Variants in IFI44 observed in about 807,000 individuals in gnomAD.
IFI44 encodes interferon induced protein 44.
Under a neutral mutation model 45.0 loss-of-function variants are expected in IFI44, and 42 were observed. That is an observed-to-expected ratio of 0.93 (90% CI 0.73 to 1.21). The LOEUF is 1.21. Ranked by LOEUF, IFI44 falls within the 50% of genes most tolerant of loss-of-function variation. The pLI is 0.00. For synonymous variants in IFI44, 221 were observed against 188.6 expected, an observed-to-expected ratio of 1.17 and a Z score of -1.41; for missense variants, 623 against 525.8, an observed-to-expected ratio of 1.18 and a Z score of -1.81.
intron 7 of IFI44, among the ~76,000 whole-genome samples, chr1:78,661,374 A>T (rs537310901): frequency 6.6e-6 from 1 of 151,724 alleles, no homozygotes; most frequent in East Asian, 1.9e-4. Context: ...TTTTTTTTCA[A>T]TTTTTTTTGA....
At chr1:78,659,939 G>C (rs894887109) in intron 6 of IFI44, among the ~76,000 whole-genome samples, 12 of 152,170 alleles carry the variant, frequency 7.9e-5, no homozygotes, top group African/African-American at 2.9e-4. Context: ...GTTTGGAGAA[G>C]GTAACCAGGA....
Position 78,663,794 on chromosome 1 carries a change from G to C in IFI44, c.1318G>C (p.Ala440Pro), listed in dbSNP as rs1233530936. ...GNLREEIINC[A>P]QGKK ...TCTAAGGGAGGAAATTATCAACTGT[G>C]CACAAGGAAAAAAATAGATATGTGA... Residue 440 changes from alanine to proline, a missense_variant, in exon 9 of 9, where the codon GCA (alanine) becomes CCA (proline). By Grantham distance (27) the Ala-to-Pro change is conservative. Transcript: ENST00000370747. 1 of 1,611,850 alleles carries C rather than the reference G, an allele frequency of 6.2e-7. No homozygotes were observed. Among genetic ancestry groups the C allele is most frequent in the Admixed American group, 1.7e-5 (1 of 59,596 alleles).
intron 5 of IFI44, 47 bp downstream of exon 5, chr1:78,655,558 A>T (rs1490191202): frequency 6.7e-7 from 1 of 1,498,706 alleles, no homozygotes; most frequent in African/African-American, 1.4e-5. Flanking sequence ...TAAAATGCTT[A>T]TTTTTGTACA....
rs1444840373 is a variant in IFI44, at chr1:78,663,823, G to A, written c.*12G>A. On this transcript the variant is annotated 3_prime_UTR_variant, in exon 9 of 9. Transcript: ENST00000370747. ...AAGGAAAAAAATAGATATGTGAAAGGTTCACGTAAATTTCCTCACATCACA... is the reference window on the plus strand; with the variant it reads ...AAGGAAAAAAATAGATATGTGAAAGATTCACGTAAATTTCCTCACATCACA... 4 of 1,609,904 alleles carry A rather than the reference G, an allele frequency of 2.5e-6. No individual in the cohort carries two copies. The highest frequency in any genetic ancestry group is 1.3e-5 in the African/African-American group (1 of 74,728).
Position 78,655,092 on chromosome 1 carries a change from G to T in IFI44, c.573G>T (p.Leu191=), listed in dbSNP as rs1051031. ...TGGTTCAACAAATACGAATTCTGCTGCTGGGTCCAATTGGAGCTGGGAAGT... is the reference window on the plus strand; with the variant it reads ...TGGTTCAACAAATACGAATTCTGCTTCTGGGTCCAATTGGAGCTGGGAAGT... ...GSLVQQIRIL[L]LGPIGAGKSS... is the part of the protein sequence containing the mutation. Residue 191 remains leucine, a synonymous_variant, in exon 4 of 9, where the codon CTG becomes CTT. Transcript: ENST00000370747. The T allele has an allele frequency of 8.1e-6, 13 of 1,613,790 alleles. No homozygotes were observed. The South Asian group carries it at 1.1e-4, about 14-fold the overall frequency.
chr1:78,660,831 G>A, intron 7 of IFI44, 177 bp downstream of exon 7: 1 of 619,952 alleles, frequency 1.6e-6, no homozygotes, highest in Non-Finnish European at 2.9e-6. Flanking sequence ...CTTGGTATTT[G>A]CAGGGGATTA....
intron 3 of IFI44, 135 bp downstream of exon 3, chr1:78,654,414 T>C: frequency 1.9e-6 from 1 of 533,702 alleles, no homozygotes; most frequent in Non-Finnish European, 3.3e-6. Flanking sequence ...ACTGTATTTA[T>C]AATCATAAAA....
At chr1:78,656,060 A>G (rs1647203749) in intron 5 of IFI44, among the ~76,000 whole-genome samples, 1 of 152,200 alleles carries the variant, frequency 6.6e-6, no homozygotes, top group African/African-American at 2.4e-5. Context: ...TAAAGCCTGA[A>G]GGTGACTCTC....
rs1174191767 is a variant in IFI44 at position 78,655,157 on chromosome 1, A to G, written c.638A>G (p.His213Arg). Residue 213 changes from histidine to arginine, a missense_variant, in exon 4 of 9, where the codon CAT becomes CGT. By Grantham distance (29) the His-to-Arg change is conservative. Transcript: ENST00000370747. ...FNSVRSVFQG[H>R]VTHQALVGTN... Reference sequence around the variant, plus strand: ...TCAGTGAGGTCTGTTTTCCAAGGGCATGTAACGCATCAGGCTTTGGTGGGC... The same window carrying G: ...TCAGTGAGGTCTGTTTTCCAAGGGCGTGTAACGCATCAGGCTTTGGTGGGC... The G allele has an allele frequency of 6.2e-7, 1 of 1,613,964 alleles. No individual in the cohort carries two copies. Among genetic ancestry groups the G allele is most frequent in the East Asian group, 2.2e-5 (1 of 44,870 alleles).
chr1:78,659,263 C>G lies in IFI44; in HGVS notation c.841-49C>G, dbSNP rs1445659923. 3.0e-5 allele frequency: 44 copies of G among 1,467,696 alleles called. No homozygotes were observed. In the East Asian group the frequency reaches 1.0e-3, roughly 34 times the overall value. 90.9% of individuals were successfully genotyped at this position (1,467,696 alleles called of 1,614,324 possible). Reference sequence around the variant, plus strand: ...CACAGTGCCTGGTACATAGTTTGTGCTCATAAATATTTGTTGAATTAATAT... The same window carrying G: ...CACAGTGCCTGGTACATAGTTTGTGGTCATAAATATTTGTTGAATTAATAT... On this transcript the variant is annotated intron_variant, in intron 5 of 8. Coordinates refer to ENST00000370747, the MANE Select transcript of IFI44 (RefSeq NM_006417.5).
At position 78,650,506 on chromosome 1, in the gene IFI44, A is replaced by G; in HGVS notation, c.311A>G (p.Asp104Gly). 2 of 1,613,976 alleles carry G rather than the reference A, an allele frequency of 1.2e-6. No individual in the cohort carries two copies. The highest frequency in any genetic ancestry group is 1.7e-4 in the Middle Eastern group (1 of 6,058). The change falls in exon 2 of 9, where the codon GAT becomes GGT. Residue 104 changes from aspartate to glycine, a missense_variant. Physicochemically the swap from Asp to Gly is moderately conservative, Grantham distance 94 (BLOSUM62 -1). Transcript: ENST00000370747. ...ACACCAGAAACACTGTTTTGTTGTG[A>G]TGTTACAAAATATAACTCCCCAACT... Reference protein sequence around the residue: ...LCTPETLFCCDVTKYNSPTNF... With the variant: ...LCTPETLFCCGVTKYNSPTNF...
intron 5 of IFI44, among the ~76,000 whole-genome samples, chr1:78,655,725 A>G (rs1215961402): frequency 2.0e-5 from 3 of 152,108 alleles, no homozygotes; most frequent in African/African-American, 7.2e-5. Flanking sequence ...GCTATGTGAA[A>G]CAGAAATCCA....
At chr1:78,659,650 G>A (rs891897497) in intron 6 of IFI44, among the ~76,000 whole-genome samples, 167 bp downstream of exon 6, 4 of 152,156 alleles carry the variant, frequency 2.6e-5, no homozygotes, top group Non-Finnish European at 4.4e-5. Context: ...TTGGCTATAT[G>A]ACTTTGTGCA....
At chr1:78,654,405 CTG>C (rs1005412315) in intron 3 of IFI44, 126 bp downstream of exon 3, 21 of 557,314 alleles carry the variant, frequency 3.8e-5, no homozygotes, top group African/African-American at 3.4e-4. Context: ...CAAGAACAAA[CTG>C]TATTTATAAT....
At chr1:78,652,444 GAT>G (rs1475946596) in intron 2 of IFI44, among the ~76,000 whole-genome samples, 1 of 152,184 alleles carries the variant, frequency 6.6e-6, no homozygotes, top group African/African-American at 2.4e-5. Flanking sequence ...ACGTTCAAGA[GAT>G]GTGTAGTATT....
At chr1:78,660,365 G>A (rs12120187) in intron 6 of IFI44, among the ~76,000 whole-genome samples, 189 bp from the exon 7 acceptor site, 38,189 of 152,068 alleles carry the variant, frequency 0.25, 5,516 homozygotes, top group Non-Finnish European at 0.33. Flanking sequence ...GACTCCCCAT[G>A]TCAGAGAAAT....
In IFI44 at chr1:78,662,763, T is replaced by G. The variant is rs759194836; in HGVS notation, c.1173T>G (p.Asn391Lys). 3.8e-6 allele frequency: 6 copies of G among 1,599,550 alleles called. No homozygotes were observed. The highest frequency in any genetic ancestry group is 2.8e-5 in the African/African-American group (2 of 71,108). ...FALSDISVVSNYSSEWELDPV... is the reference protein window; with the variant it reads ...FALSDISVVSKYSSEWELDPV... ...TTTCTGACATCTCGGTGGTTAGCAA[T>G]TATTCCTCTGAGTGGGAGCTGGACC... is the stretch of plus-strand genomic sequence containing the variant. Residue 391 changes from asparagine (N) to lysine (K), a missense_variant, in exon 8 of 9, where the codon AAT becomes AAG. Coordinates refer to ENST00000370747, the MANE Select transcript of IFI44 (RefSeq NM_006417.5).
At chr1:78,649,828 TC>T, upstream of IFI44, 1 of 157,912 alleles carries the variant, frequency 6.3e-6, no homozygotes, top group East Asian at 1.8e-4. Flanking sequence ...AATTTCCTTC[TC>T]CCATTTTGTG....
intron 1 of IFI44, 96 bp from the exon 2 acceptor site, chr1:78,650,090 T>G: frequency 1.5e-6 from 1 of 670,764 alleles, no homozygotes; most frequent in South Asian, 3.8e-5. Flanking sequence ...TTTTTTGTAT[T>G]ATGTAGAGTA....
Sources: allele counts gnomAD v4.1 joint callset (sites outside exome capture counted in the v4.1 genomes callset), GRCh38; gene constraint gnomAD v4.1.1; transcripts MANE v1.5; gene names NCBI Gene and HGNC (gene_info 2026-07-23, HGNC 2026-07-21).